Variants in ARHGEF19 observed in about 807,000 individuals in gnomAD.
ARHGEF19 encodes the protein Rho guanine nucleotide exchange factor (GEF) 19.
Under a neutral mutation model 87.6 loss-of-function variants are expected in ARHGEF19, and 92 were observed. The ratio of observed to expected loss-of-function variants is 1.05; its 90% CI spans 0.89 to 1.25. The LOEUF is 1.25. ARHGEF19 is among the 50% of genes most tolerant of loss of function. ARHGEF19 has a pLI of 0.00. For missense variants in ARHGEF19, 1,054 were observed against 1,051.8 expected, an observed-to-expected ratio of 1.00 and a Z score of -0.03; for synonymous variants, 438 against 446.2, an observed-to-expected ratio of 0.98 and a Z score of 0.23.
At position 16,205,685 on chromosome 1, in the gene ARHGEF19, C is replaced by T. The variant is rs542654258; in HGVS notation, c.1452-18G>A. On this transcript the variant is annotated intron_variant, in intron 8 of 15. Coordinates refer to ENST00000270747, the MANE Select transcript of ARHGEF19 (RefSeq NM_153213.5). This position sits in a 1 kb window ranked among gnomAD's most constrained non-coding sequence, Gnocchi z 5.8. The stretch of plus-strand genomic sequence containing the variant: ...TCTCCAGGCTGGAAAATGGGGAGGA[C>T]TCTGGAATCACAGGTAGGCCTGAAT... 1 of 1,595,448 alleles carries T rather than the reference C, an allele frequency of 6.3e-7. No homozygotes were observed. Among genetic ancestry groups the T allele is most frequent in the African/African-American group, 1.3e-5 (1 of 74,106 alleles).
rs2081139454 is a variant in ARHGEF19, at chr1:16,206,715, C to T, written c.1137+233G>A. On this transcript the variant is annotated intron_variant, in intron 6 of 15. Transcript: ENST00000270747. This position sits in a 1 kb window ranked among gnomAD's most constrained non-coding sequence, Gnocchi z 4.6. ...CCTAGGTTTCGTCCCGCTGGCTCCG[C>T]CCCCTACCCGCACCCAAGCCCGGCT... Among the ~76,000 whole-genome samples the T allele has an allele frequency of 6.6e-6, 1 of 151,978 alleles. No individual in the cohort carries two copies. The highest frequency in any genetic ancestry group is 1.5e-5 in the Non-Finnish European group (1 of 67,974).
intron 12 of ARHGEF19, 22 bp from the exon 13 acceptor site, chr1:16,202,596 G>A: frequency 6.2e-7 from 1 of 1,605,896 alleles, no homozygotes; most frequent in Admixed American, 1.7e-5. Flanking sequence ...GGGGAGGGGA[G>A]GTCAGCCTGG....
At chr1:16,210,240 A>G (rs1285828974) in intron 1 of ARHGEF19, among the ~76,000 whole-genome samples, 1 of 150,856 alleles carries the variant, frequency 6.6e-6, no homozygotes. Context: ...CCAGACAAAG[A>G]GTTTGATTCA....
Position 16,198,832 on chromosome 1 carries a change from T to C in ARHGEF19, c.2252-88A>G. ...AACACCACAGCCCTGATGCAAGCTT[T>C]GTCTGCACCCTTGGGGCCAAGGTGA... is the stretch of plus-strand genomic sequence containing the variant. On this transcript the variant is annotated intron_variant, in intron 15 of 15. Transcript: ENST00000270747. The surrounding 1 kb of genome is among the most constrained non-coding windows in gnomAD (Gnocchi z 4.1). The C allele has an allele frequency of 2.0e-6, 3 of 1,482,666 alleles. No homozygotes were observed. The highest frequency in any genetic ancestry group is 1.8e-4 in the Middle Eastern group (1 of 5,472). 91.8% of individuals were successfully genotyped at this position (1,482,666 alleles called of 1,614,324 possible).
In ARHGEF19 at chr1:16,199,330, G is replaced by A. The variant is rs547300276; in HGVS notation, c.2147-76C>T. On this transcript the variant is annotated intron_variant, in intron 14 of 15. Transcript: ENST00000270747. Reference sequence around the variant, plus strand: ...GAGGAGCATGGGTAGGGCAGGGAGGGGCAGTAGGAGGAAGTAAGGGGGTGG... The same window carrying A: ...GAGGAGCATGGGTAGGGCAGGGAGGAGCAGTAGGAGGAAGTAAGGGGGTGG... 8 of 1,240,844 alleles carry A rather than the reference G, an allele frequency of 6.4e-6. No homozygotes were observed. In the African/African-American group the frequency reaches 7.4e-5, roughly 11 times the overall value. The allele number at this position is 1,240,844 out of a possible 1,614,324, so 76.9% of individuals were successfully genotyped here. A position where few individuals can be genotyped will look rare whatever the true frequency, so the allele number is the denominator to read the frequency against.
In ARHGEF19 at chr1:16,206,396, C is replaced by G. The variant is rs746327461; in HGVS notation, c.1138-56G>C. ...GCAGGACCAGTTCACCTCGGAGGCC[C>G]TGGCCTCACATCCCCAGACCCCAGG... On this transcript the variant is annotated intron_variant, in intron 6 of 15. Coordinates refer to ENST00000270747, the MANE Select transcript of ARHGEF19 (RefSeq NM_153213.5). This position sits in a 1 kb window ranked among gnomAD's most constrained non-coding sequence, Gnocchi z 4.6. 6.5e-7 allele frequency: 1 copy of G among 1,543,760 alleles called. No individual in the cohort carries two copies. The highest frequency in any genetic ancestry group is 1.4e-5 in the African/African-American group (1 of 73,356).
In ARHGEF19 at chr1:16,199,157, G is replaced by T; in HGVS notation, c.2244C>A (p.Thr748=). The stretch of plus-strand genomic sequence containing the variant: ...CCCAGGAGGCCCCCTCACCGTCACT[G>T]GTCCAGGTCCTCACTGACAGGATGT... ...KTDILSVRTW[T]SDGWLEGVRL... The change falls in exon 15 of 16, where the codon ACC becomes ACA. Residue 748 remains threonine, a synonymous_variant. Coordinates refer to ENST00000270747, the MANE Select transcript of ARHGEF19 (RefSeq NM_153213.5). 1 of 1,613,960 alleles carries T rather than the reference G, an allele frequency of 6.2e-7. No homozygotes were observed. Among genetic ancestry groups the T allele is most frequent in the Non-Finnish European group, 8.5e-7 (1 of 1,179,934 alleles).
rs1005177187 is a variant in ARHGEF19 at position 16,208,155 on chromosome 1, C to G, written c.483G>C (p.Glu161Asp). The G allele has an allele frequency of 1.2e-6, 2 of 1,613,256 alleles. No homozygotes were observed. Among genetic ancestry groups the G allele is most frequent in the African/African-American group, 2.7e-5 (2 of 74,914 alleles). Residue 161 changes from glutamate to aspartate, a missense_variant, in exon 3 of 16, where the codon GAG becomes GAC. Transcript: ENST00000270747. ...CCTGCTCTTGCACTACCTGGCCAGGCTCTAGGAAGACAGCGTGGGCCTCGG... is the reference window on the plus strand; with the variant it reads ...CCTGCTCTTGCACTACCTGGCCAGGGTCTAGGAAGACAGCGTGGGCCTCGG... ...GCPEAHAVFL[E>D]PGQVVQEQAL...
chr1:16,206,899 C>T lies in ARHGEF19; in HGVS notation c.1137+49G>A. 4.2e-6 allele frequency: 6 copies of T among 1,413,336 alleles called. No individual in the cohort carries two copies. The highest frequency in any genetic ancestry group is 4.9e-4 in the Middle Eastern group (2 of 4,054). The allele number at this position is 1,413,336 out of a possible 1,614,324, so 87.5% of individuals were successfully genotyped here. A position where few individuals can be genotyped will look rare whatever the true frequency, so the allele number is the denominator to read the frequency against. On this transcript the variant is annotated intron_variant, in intron 6 of 15. Transcript: ENST00000270747. The surrounding 1 kb of genome is among the most constrained non-coding windows in gnomAD (Gnocchi z 4.6). Reference sequence around the variant, plus strand: ...CGGTTCCCGCTAAGTCCCCGGACCGCGTACTCCCCGGCCCGCCCCCGCCCC... The same window carrying T: ...CGGTTCCCGCTAAGTCCCCGGACCGTGTACTCCCCGGCCCGCCCCCGCCCC...
rs1354682098 is a variant in ARHGEF19, at chr1:16,206,317, G to A, written c.1161C>T (p.Ser387=). The A allele has an allele frequency of 7.0e-6, 11 of 1,580,296 alleles. No individual in the cohort carries two copies. The highest frequency in any genetic ancestry group is 1.2e-5 in the South Asian group (1 of 86,132). Residue 387 remains serine (S), a synonymous_variant, in exon 7 of 16, where the codon TCC becomes TCT. Coordinates refer to ENST00000270747, the MANE Select transcript of ARHGEF19 (RefSeq NM_153213.5). The surrounding 1 kb of genome is among the most constrained non-coding windows in gnomAD (Gnocchi z 4.6). ...ACAGGCTGTGGATGTAGGAGGCCTC[G>A]GAGGTGATCAGCTCAAACTTGGCCT... ...LQEAKFELIT[S]EASYIHSLSV...
In ARHGEF19 at chr1:16,207,165, A is replaced by G; in HGVS notation, c.920T>C (p.Leu307Pro). 6.5e-7 allele frequency: 1 copy of G among 1,529,686 alleles called. No individual in the cohort carries two copies. Among genetic ancestry groups the G allele is most frequent in the Non-Finnish European group, 8.8e-7 (1 of 1,142,360 alleles). The allele number at this position is 1,529,686 out of a possible 1,614,324, so 94.8% of individuals were successfully genotyped here. A position where few individuals can be genotyped will look rare whatever the true frequency, so the allele number is the denominator to read the frequency against. Residue 307 changes from leucine to proline, a missense_variant, in exon 6 of 16, where the codon CTG becomes CCG. Transcript: ENST00000270747. This position sits in a 1 kb window ranked among gnomAD's most constrained non-coding sequence, Gnocchi z 4.0. ...EYSDVASARE[L>P]RRQQREEEGP... ...CTCCTCCTCGCGCTGCTGCCGCCGC[A>G]GTTCGCGGGCGCTGGCCACGTCGCT...
At chr1:16,208,340 G>A in intron 2 of ARHGEF19, 115 bp from the exon 3 acceptor site, 3 of 1,325,192 alleles carry the variant, frequency 2.3e-6, no homozygotes, top group African/African-American at 2.9e-5. Flanking sequence ...CCCAAGGGAA[G>A]GGCCTGTGTT....
At chr1:16,211,420 C>T (rs1033479499) in intron 1 of ARHGEF19, among the ~76,000 whole-genome samples, 2 of 152,148 alleles carry the variant, frequency 1.3e-5, no homozygotes, top group Non-Finnish European at 2.9e-5. Flanking sequence ...TCTGGAAGCT[C>T]CTGGAGGGCA....
chr1:16,207,010 G>C lies in ARHGEF19; in HGVS notation c.1075C>G (p.Pro359Ala), dbSNP rs768901581. 8 of 1,517,960 alleles carry C rather than the reference G, an allele frequency of 5.3e-6. No individual in the cohort carries two copies. The highest frequency in any genetic ancestry group is 2.1e-5 in the Admixed American group (1 of 47,500). 94.0% of individuals were successfully genotyped at this position (1,517,960 alleles called of 1,614,324 possible). The change falls in exon 6 of 16, where the codon CCC becomes GCC. Residue 359 changes from proline to alanine, a missense_variant. Transcript: ENST00000270747. The surrounding 1 kb of genome is among the most constrained non-coding windows in gnomAD (Gnocchi z 4.0). ...GSTFSLWQDI[P>A]DVRGSGVLAT... is the part of the protein sequence containing the mutation. ...AGGACGCCGCTGCCGCGTACGTCGG[G>C]GATATCCTGCCACAGCGAGAAGGTG...
chr1:16,204,806 G>C lies in ARHGEF19; in HGVS notation c.1860C>G (p.Val620=). 1 of 1,613,184 alleles carries C rather than the reference G, an allele frequency of 6.2e-7. No homozygotes were observed. The highest frequency in any genetic ancestry group is 8.5e-7 in the Non-Finnish European group (1 of 1,179,494). The change falls in exon 12 of 16, where the codon GTC becomes GTG. Residue 620 remains valine, a synonymous_variant. Coordinates refer to ENST00000270747, the MANE Select transcript of ARHGEF19 (RefSeq NM_153213.5). ...AGCAGTCATTGAAGAGGTGGAGGTA[G>C]ACTGCCTTGCTGGACAGCTTCAGCT... ...PAKLKLSSKA[V]YLHLFNDCLL...
In ARHGEF19 at chr1:16,202,424, G is replaced by A. The variant is rs780377157; in HGVS notation, c.2058C>T (p.Ala686=). The change falls in exon 13 of 16, where the codon GCC becomes GCT. Residue 686 remains alanine, a synonymous_variant. Transcript: ENST00000270747. ...TATCCAGGCCCACTCACTCCGTCCGGGCCCGCAGCAGGAACTGGTGCTTCA... is the reference window on the plus strand; with the variant it reads ...TATCCAGGCCCACTCACTCCGTCCGAGCCCGCAGCAGGAACTGGTGCTTCA... The part of the protein sequence containing the change: ...QHMKHQFLLR[A]RTESEKQRWI... 8.1e-6 allele frequency: 13 copies of A among 1,612,978 alleles called. No individual in the cohort carries two copies. Among genetic ancestry groups the A allele is most frequent in the Non-Finnish European group, 1.0e-5 (12 of 1,179,594 alleles).
In ARHGEF19 at chr1:16,205,412, C is replaced by G. The variant is rs759611521; in HGVS notation, c.1595G>C (p.Arg532Pro). Residue 532 changes from arginine (R) to proline (P), a missense_variant, in exon 10 of 16, where the codon CGG becomes CCG. By Grantham distance (103) the Arg-to-Pro change is moderately radical (BLOSUM62 -2). Coordinates refer to ENST00000270747, the MANE Select transcript of ARHGEF19 (RefSeq NM_153213.5). This position sits in a 1 kb window ranked among gnomAD's most constrained non-coding sequence, Gnocchi z 5.8. ...LKMLVENILK[R>P]TAQGSEDEDM... Reference sequence around the variant, plus strand: ...TTCGTCTTCAGAGCCCTGTGCTGTCCGCTTCAGGATGTTCTGGAAGGTGGG... The same window carrying G: ...TTCGTCTTCAGAGCCCTGTGCTGTCGGCTTCAGGATGTTCTGGAAGGTGGG... The G allele has an allele frequency of 6.2e-7, 1 of 1,611,388 alleles. No homozygotes were observed. Among genetic ancestry groups the G allele is most frequent in the Non-Finnish European group, 8.5e-7 (1 of 1,178,680 alleles).
rs755473636 is a variant in ARHGEF19, at chr1:16,205,391, T to C, written c.1616A>G (p.Asp539Gly). 2.4e-5 allele frequency: 38 copies of C among 1,613,268 alleles called. No individual in the cohort carries two copies. Among genetic ancestry groups the C allele is most frequent in the Non-Finnish European group, 3.1e-5 (37 of 1,179,552 alleles). Residue 539 changes from aspartate (D) to glycine (G), a missense_variant, in exon 10 of 16, where the codon GAC (aspartate) becomes GGC (glycine). By Grantham distance (94) the Asp-to-Gly change is moderately conservative. Transcript: ENST00000270747. This position sits in a 1 kb window ranked among gnomAD's most constrained non-coding sequence, Gnocchi z 5.8. ...GAAGGCCTTGGTGGCCATGTCTTCGTCTTCAGAGCCCTGTGCTGTCCGCTT... is the reference window on the plus strand; with the variant it reads ...GAAGGCCTTGGTGGCCATGTCTTCGCCTTCAGAGCCCTGTGCTGTCCGCTT... The part of the protein sequence containing the change: ...ILKRTAQGSE[D>G]EDMATKAFNA...
chr1:16,198,829 C>T lies in ARHGEF19; in HGVS notation c.2252-85G>A, dbSNP rs2081060728. 2 of 1,492,646 alleles carry T rather than the reference C, an allele frequency of 1.3e-6. No individual in the cohort carries two copies. Among genetic ancestry groups the T allele is most frequent in the South Asian group, 1.3e-5 (1 of 74,660 alleles). The allele number at this position is 1,492,646 out of a possible 1,614,324, so 92.5% of individuals were successfully genotyped here. A position where few individuals can be genotyped will look rare whatever the true frequency, so the allele number is the denominator to read the frequency against. ...GGGAACACCACAGCCCTGATGCAAG[C>T]TTTGTCTGCACCCTTGGGGCCAAGG... On this transcript the variant is annotated intron_variant, in intron 15 of 15. Transcript: ENST00000270747. The surrounding 1 kb of genome is among the most constrained non-coding windows in gnomAD (Gnocchi z 4.1).
Sources: gnomAD v4.1 joint callset for allele counts (sites outside exome capture counted in the v4.1 genomes callset) on GRCh38, gnomAD v4.1.1 for gene constraint, Gnocchi (gnomAD v3.1) non-coding constraint, MANE v1.5 for transcripts, NCBI Gene and HGNC (gene_info 2026-07-23, HGNC 2026-07-21) for gene names.